Variants in GKAP1 observed in about 807,000 individuals in gnomAD.
The protein encoded by GKAP1 is G kinase anchoring protein 1.
A neutral mutation model predicts 56.7 loss-of-function variants in GKAP1; 31 were observed. That is an observed-to-expected ratio of 0.55 (90% confidence interval 0.41 to 0.74). The LOEUF (loss-of-function observed/expected upper bound fraction) is 0.74. GKAP1 is among the 30% of genes least tolerant of loss of function. The probability of loss-of-function intolerance (pLI) is 0.00; values close to 1 mark genes in which losing one functional copy is unlikely to be tolerated. For synonymous variants in GKAP1, 151 were observed against 138.6 expected, an observed-to-expected ratio of 1.09 and a Z score of -0.63; for missense variants, 364 against 402.3, an observed-to-expected ratio of 0.90 and a Z score of 0.82.
At chr9:83,803,455 G>C (rs1944368223) in intron 3 of GKAP1, among the ~76,000 whole-genome samples, 1 of 152,212 alleles carries the variant, frequency 6.6e-6, no homozygotes, top group African/African-American at 2.4e-5. Flanking sequence ...GGGTTTCGCT[G>C]TGTTGGCCGG....
intron 6 of GKAP1, 66 bp from the exon 7 acceptor site, chr9:83,780,470 A>G (rs2131287078): frequency 1.2e-6 from 1 of 809,996 alleles, no homozygotes; most frequent in South Asian, 1.8e-5. Flanking sequence ...AAATGTAAAA[A>G]AAAAAAAAAA....
At position 83,741,874 on chromosome 9, in the gene GKAP1, A is replaced by G. The variant is rs1211196297; in HGVS notation, c.1053+78T>C. The G allele has an allele frequency of 7.2e-6, 6 of 838,024 alleles. No individual in the cohort carries two copies. In the East Asian group the frequency reaches 1.3e-4, roughly 18 times the overall value. 51.9% of individuals were successfully genotyped at this position (838,024 alleles called of 1,614,324 possible). On this transcript the variant is annotated intron_variant, in intron 12 of 12. Transcript: ENST00000376371. Reference sequence around the variant, plus strand: ...ATAAATTTTGGCCTAAGAATAAAATACTGCATTTATTCTCACACAGTATCT... The same window carrying G: ...ATAAATTTTGGCCTAAGAATAAAATGCTGCATTTATTCTCACACAGTATCT...
intron 3 of GKAP1, among the ~76,000 whole-genome samples, chr9:83,800,744 G>T (rs892658559): frequency 6.6e-6 from 1 of 152,084 alleles, no homozygotes; most frequent in Non-Finnish European, 1.5e-5. Flanking sequence ...TGTACCAATC[G>T]CCCAGTTTTA....
At chr9:83,798,897 A>T (rs1420292515) in intron 4 of GKAP1, among the ~76,000 whole-genome samples, 1 of 152,150 alleles carries the variant, frequency 6.6e-6, no homozygotes, top group East Asian at 1.9e-4. Flanking sequence ...GAATAATTTA[A>T]TACTGTTCCC....
intron 6 of GKAP1, among the ~76,000 whole-genome samples, chr9:83,784,091 CCT>C (rs1944022765): frequency 7.4e-6 from 1 of 134,828 alleles, no homozygotes; most frequent in Non-Finnish European, 1.6e-5. Context: ...ATGGTGAAAC[CCT>C]GTCTCTACTA....
chr9:83,747,437 T>C (rs890689723), intron 10 of GKAP1, among the ~76,000 whole-genome samples: 7 of 152,106 alleles, frequency 4.6e-5, no homozygotes, highest in Non-Finnish European at 8.8e-5. Flanking sequence ...AAACCTAAAG[T>C]GATGACAGGC....
At chr9:83,771,008 G>C (rs1428324263) in intron 7 of GKAP1, among the ~76,000 whole-genome samples, 1 of 152,052 alleles carries the variant, frequency 6.6e-6, no homozygotes, top group African/African-American at 2.4e-5. Flanking sequence ...TCAACATCCT[G>C]TTATGAAGAC....
intron 4 of GKAP1, 175 bp from the exon 5 acceptor site, chr9:83,788,853 A>G: frequency 2.5e-6 from 1 of 393,636 alleles, no homozygotes; most frequent in Non-Finnish European, 4.5e-6. Context: ...TATAGAAGAC[A>G]TCAAAATACA....
chr9:83,817,767 C>A lies in GKAP1; in HGVS notation c.-426G>T. 1 of 150,116 alleles carries A rather than the reference C, an allele frequency of 6.7e-6. No homozygotes were observed. The highest frequency in any genetic ancestry group is 2.0e-4 in the South Asian group (1 of 5,062). 9.3% of individuals were successfully genotyped at this position (150,116 alleles called of 1,614,324 possible). ...AGGCTGCGGTGAGGGGCGGGGAGAG[C>A]GCGGCTGAGAGCAGGCGGGCGGGCG... On this transcript the variant is annotated 5_prime_UTR_variant, in exon 1 of 13. Coordinates refer to ENST00000376371, the MANE Select transcript of GKAP1 (RefSeq NM_025211.4).
Position 83,748,300 on chromosome 9 carries a change from T to C in GKAP1, c.904+9A>G. 2 of 1,566,520 alleles carry C rather than the reference T, an allele frequency of 1.3e-6. No homozygotes were observed. Among genetic ancestry groups the C allele is most frequent in the South Asian group, 2.3e-5 (2 of 87,322 alleles). On this transcript the variant is annotated intron_variant, in intron 10 of 12. Transcript: ENST00000376371. ...AACTTTTAATTACAAAAACATAAAATCCACTTACTTTCACCTTCCTGAAGC... is the reference window on the plus strand; with the variant it reads ...AACTTTTAATTACAAAAACATAAAACCCACTTACTTTCACCTTCCTGAAGC...
intron 7 of GKAP1, among the ~76,000 whole-genome samples, chr9:83,777,122 T>G (rs1943877086): frequency 6.6e-6 from 1 of 152,242 alleles, no homozygotes; most frequent in Non-Finnish European, 1.5e-5. Context: ...CCTATCCCTC[T>G]GTCCAATATC....
chr9:83,778,022 G>A (rs1482866975), intron 7 of GKAP1, among the ~76,000 whole-genome samples: 1 of 152,112 alleles, frequency 6.6e-6, no homozygotes, highest in Admixed American at 6.5e-5. Context: ...AGTCAGAATG[G>A]CTATTACTAA....
In GKAP1 at chr9:83,753,315, C is replaced by T. The variant is rs758782080; in HGVS notation, c.783G>A (p.Glu261=). ...KDGRIERLKL[E]LERKDAEIQK... ...GGATTTCAGCATCTTTCCTTTCAAG[C>T]TCTAACTTTAGTCTTTCAATTCTTC... The change falls in exon 9 of 13, where the codon GAG becomes GAA. Residue 261 remains glutamate, a synonymous_variant. Transcript: ENST00000376371. 50 of 1,611,330 alleles carry T rather than the reference C, an allele frequency of 3.1e-5. No homozygotes were observed. The highest frequency in any genetic ancestry group is 1.6e-4 in the Middle Eastern group (1 of 6,068).
intron 8 of GKAP1, among the ~76,000 whole-genome samples, chr9:83,762,788 T>TA (rs1311439055): frequency 1.3e-5 from 2 of 152,072 alleles, no homozygotes; most frequent in Non-Finnish European, 2.9e-5. Context: ...GTCAAGAACA[T>TA]ACACTGGGGA....
chr9:83,749,840 C>A (rs1251648654), intron 9 of GKAP1, among the ~76,000 whole-genome samples: 1 of 152,036 alleles, frequency 6.6e-6, no homozygotes, highest in African/African-American at 2.4e-5. Flanking sequence ...AAGCACCATA[C>A]TGAATATAAA....
At chr9:83,816,140 G>T (rs1944588449) in intron 2 of GKAP1, among the ~76,000 whole-genome samples, 1 of 151,298 alleles carries the variant, frequency 6.6e-6, no homozygotes, top group Non-Finnish European at 1.5e-5. Flanking sequence ...TGTGAGCCGA[G>T]ATCGCGCCAT....
At chr9:83,787,001 C>A (rs1180111269) in intron 5 of GKAP1, among the ~76,000 whole-genome samples, 1 of 152,090 alleles carries the variant, frequency 6.6e-6, no homozygotes, top group Non-Finnish European at 1.5e-5. Flanking sequence ...TCCGGTGTAA[C>A]CTGACAGTCC....
At chr9:83,753,138 A>G in intron 9 of GKAP1, 120 bp downstream of exon 9, 1 of 618,712 alleles carries the variant, frequency 1.6e-6, no homozygotes. Flanking sequence ...GTTTAAGAAC[A>G]TAAAAAACAG....
intron 3 of GKAP1, among the ~76,000 whole-genome samples, chr9:83,799,760 C>T (rs1944302056): frequency 6.6e-6 from 1 of 152,068 alleles, no homozygotes; most frequent in African/African-American, 2.4e-5. Flanking sequence ...TTGAGACCAG[C>T]CTCAGAAATG....
Sources: allele counts gnomAD v4.1 joint callset (sites outside exome capture counted in the v4.1 genomes callset), GRCh38; gene constraint gnomAD v4.1.1; transcripts MANE v1.5; gene names NCBI Gene and HGNC (gene_info 2026-07-23, HGNC 2026-07-21).